The following VIT variants were observed in gnomAD, a reference collection of about 807,000 sequenced individuals.
VIT encodes vitrin.
VIT carries 99 observed loss-of-function variants against 78.0 expected under a neutral mutation model. That is an observed-to-expected ratio of 1.27 (90% CI 1.08 to 1.50). The LOEUF (loss-of-function observed/expected upper bound fraction) is 1.50. Among genes scored for constraint, VIT ranks in the 40% most tolerant of loss-of-function variants. The pLI, the probability that VIT is intolerant of heterozygous loss-of-function variation, is 0.00. For missense variants in VIT, 1,126 were observed against 875.3 expected (o/e 1.29, Z -3.61); for synonymous variants, 374 against 334.3 (o/e 1.12, Z -1.29).
chr2:36,794,940 G>A (rs1462103696), intron 12 of VIT, among the ~76,000 whole-genome samples: 2 of 152,174 alleles, frequency 1.3e-5, no homozygotes, highest in Non-Finnish European at 2.9e-5. Context: ...TCATCATCTA[G>A]GATGTAATAG....
At chr2:36,796,447 C>T (rs982810722) in intron 12 of VIT, among the ~76,000 whole-genome samples, 5 of 152,032 alleles carry the variant, frequency 3.3e-5, no homozygotes, top group South Asian at 2.1e-4. Flanking sequence ...CTTTATAGAA[C>T]GTAACTGCCA....
intron 2 of VIT, among the ~76,000 whole-genome samples, chr2:36,720,675 G>A (rs543634130): frequency 2.6e-5 from 4 of 152,320 alleles, no homozygotes; most frequent in African/African-American, 9.6e-5. Context: ...GTTTCCAGGG[G>A]CTGGGGAGCC....
At chr2:36,787,965 G>C (rs373735368) in intron 12 of VIT, 2 of 331,118 alleles carry the variant, frequency 6.0e-6, no homozygotes, top group East Asian at 9.6e-5. Flanking sequence ...CTTTCATTTG[G>C]CGGTAATAAA....
At chr2:36,754,659 G>T (rs558498818) in intron 4 of VIT, among the ~76,000 whole-genome samples, 2 of 152,254 alleles carry the variant, frequency 1.3e-5, no homozygotes, top group South Asian at 4.2e-4. Context: ...GAAATCTGAG[G>T]CATGGTGGCA....
intron 3 of VIT, among the ~76,000 whole-genome samples, chr2:36,735,798 C>T (rs550843889): frequency 6.6e-6 from 1 of 152,220 alleles, no homozygotes; most frequent in African/African-American, 2.4e-5. Flanking sequence ...CAAGCCCAAT[C>T]CCCTGAAACA....
intron 3 of VIT, among the ~76,000 whole-genome samples, chr2:36,738,748 A>T (rs1375609122): frequency 2.6e-5 from 4 of 152,240 alleles, no homozygotes; most frequent in Non-Finnish European, 5.9e-5. Flanking sequence ...TGTGCGAGAC[A>T]ACATGCATTT....
chr2:36,708,555 G>A (rs866184878), intron 1 of VIT, among the ~76,000 whole-genome samples: 2 of 152,116 alleles, frequency 1.3e-5, no homozygotes, highest in Admixed American at 6.5e-5. Flanking sequence ...TAAAGGATCA[G>A]TTCCACATTC....
intron 5 of VIT, among the ~76,000 whole-genome samples, chr2:36,758,016 C>G (rs544798530): frequency 5.3e-5 from 8 of 152,172 alleles, no homozygotes; most frequent in African/African-American, 1.9e-4. Flanking sequence ...CCTCCACCCA[C>G]CTAGGTTCTC....
intron 14 of VIT, among the ~76,000 whole-genome samples, chr2:36,806,844 T>C (rs1338534626): frequency 6.6e-6 from 1 of 152,240 alleles, no homozygotes; most frequent in African/African-American, 2.4e-5. Flanking sequence ...ATTACAGGCG[T>C]GGGCCACTGC....
chr2:36,722,762 C>CAT (rs981841564), intron 2 of VIT, among the ~76,000 whole-genome samples: 38 of 152,116 alleles, frequency 2.5e-4, no homozygotes, highest in African/African-American at 8.9e-4. Flanking sequence ...TCTGGTATTT[C>CAT]ATGTCTTTTC....
At chr2:36,740,179 A>G (rs769921547) in intron 3 of VIT, among the ~76,000 whole-genome samples, 2 of 152,216 alleles carry the variant, frequency 1.3e-5, no homozygotes, top group Non-Finnish European at 2.9e-5. Context: ...AAACCTTAAC[A>G]ACCAAAGAAA....
chr2:36,739,325 G>A (rs1558528737), intron 3 of VIT, among the ~76,000 whole-genome samples: 1 of 152,196 alleles, frequency 6.6e-6, no homozygotes, highest in Non-Finnish European at 1.5e-5. Context: ...GGAATCTGCA[G>A]TTTGATTTGG....
chr2:36,734,690 T>G (rs78155904), intron 3 of VIT, among the ~76,000 whole-genome samples: 25 of 152,274 alleles, frequency 1.6e-4, no homozygotes, highest in Non-Finnish European at 3.4e-4. Flanking sequence ...TCCCACTGAT[T>G]TTGGTAGTTA....
rs2148633121 is a variant in VIT, at chr2:36,787,272, T to C, written c.1054T>C (p.Tyr352His). 3 of 1,613,334 alleles carry C rather than the reference T, an allele frequency of 1.9e-6. No homozygotes were observed. Among genetic ancestry groups the C allele is most frequent in the East Asian group, 2.2e-5 (1 of 44,858 alleles). ...PAGPLMGVVQYGDNPATHFNL... is the reference protein window; with the variant it reads ...PAGPLMGVVQHGDNPATHFNL... Reference sequence around the variant, plus strand: ...CGGTCCACTGATGGGTGTTGTCCAGTATGGGTAAGTGCAGTTAATGTTCTG... The same window carrying C: ...CGGTCCACTGATGGGTGTTGTCCAGCATGGGTAAGTGCAGTTAATGTTCTG... The change falls in exon 12 of 16, where the codon TAT becomes CAT. Residue 352 changes from tyrosine (Y) to histidine (H), a missense_variant. By Grantham distance (83) the Tyr-to-His change is moderately conservative. Transcript: ENST00000379242.
At chr2:36,746,279 T>A (rs569594884) in intron 4 of VIT, among the ~76,000 whole-genome samples, 38 of 152,198 alleles carry the variant, frequency 2.5e-4, no homozygotes, top group African/African-American at 8.7e-4. Flanking sequence ...TTTTTTCACA[T>A]GTCTCAACTA....
Position 36,776,198 on chromosome 2 carries a change from T to G in VIT, c.802+1131T>G, listed in dbSNP as rs148947545. ...ATCCAGAACTTCAGCTCCTCATTAC[T>G]AATTTGTCTAAACCAGTGGTTCTCA... On this transcript the variant is annotated intron_variant, in intron 9 of 15. Coordinates refer to ENST00000379242, the MANE Select transcript of VIT (RefSeq NM_053276.4). Among the ~76,000 whole-genome samples the G allele has an allele frequency of 5.8e-3, 884 of 152,328 alleles. 8 individuals are homozygous for G. Among genetic ancestry groups the G allele is most frequent in the African/African-American group, 0.02 (822 of 41,566 alleles).
chr2:36,774,944 G>C, intron 8 of VIT, 58 bp from the exon 9 acceptor site: 1 of 1,598,106 alleles, frequency 6.3e-7, no homozygotes, highest in East Asian at 2.2e-5. Flanking sequence ...GCAAAATAAG[G>C]AAAGAAAGCA....
chr2:36,758,414 CTAATAGACGTTACCATTCCTCT>C (rs1234206011), intron 5 of VIT, among the ~76,000 whole-genome samples: 1 of 152,144 alleles, frequency 6.6e-6, no homozygotes, highest in Non-Finnish European at 1.5e-5. Flanking sequence ...ATTTTTTTCC[CTAATAGACGTTACCATTCCTCT>C]TCCTTGCCTG....
chr2:36,752,667 C>T (rs1288415804), intron 4 of VIT, among the ~76,000 whole-genome samples: 1 of 152,248 alleles, frequency 6.6e-6, no homozygotes, highest in Admixed American at 6.5e-5. Flanking sequence ...TCTCCCTCCT[C>T]CTCCAGTGTC....
Sources: allele counts gnomAD v4.1 joint callset (sites outside exome capture counted in the v4.1 genomes callset), GRCh38; gene constraint gnomAD v4.1.1; transcripts MANE v1.5; gene names NCBI Gene and HGNC (gene_info 2026-07-23, HGNC 2026-07-21).